Variants in LPAR6 observed in about 807,000 individuals in gnomAD.
LPAR6 encodes the protein G-protein coupled purinergic receptor P2Y5.
Under a neutral mutation model 22.0 loss-of-function variants are expected in LPAR6, and 17 were observed. The observed-to-expected ratio is 0.77, with a 90% CI of 0.53 to 1.16. LPAR6 has a LOEUF of 1.16. Ranked by LOEUF, LPAR6 falls within the 50% of genes most tolerant of loss-of-function variation. The pLI, the probability that LPAR6 is intolerant of heterozygous loss-of-function variation, is 0.00. For missense variants in LPAR6, 384 were observed against 406.9 expected, an observed-to-expected ratio of 0.94 and a Z score of 0.48; for synonymous variants, 136 against 139.8, an observed-to-expected ratio of 0.97 and a Z score of 0.19.
upstream of LPAR6, among the ~76,000 whole-genome samples, chr13:48,414,047 A>G (rs1009787818): frequency 1.3e-5 from 2 of 152,204 alleles, no homozygotes; most frequent in African/African-American, 2.4e-5. Flanking sequence ...GTTTATATTT[A>G]AAGTATACTC....
At chr13:48,435,266 G>T (rs1003585339) in intron 1 of LPAR6, among the ~76,000 whole-genome samples, 4 of 152,266 alleles carry the variant, frequency 2.6e-5, no homozygotes, top group Admixed American at 1.3e-4. Context: ...TTCTGATAGT[G>T]TAAGGATATC....
chr13:48,403,168 G>A (rs1301796194), intron 1 of LPAR6, among the ~76,000 whole-genome samples: 1 of 152,132 alleles, frequency 6.6e-6, no homozygotes, highest in Non-Finnish European at 1.5e-5. Flanking sequence ...TTTTTTAGCA[G>A]CAGTCAAAGG....
At chr13:48,404,442 GAA>G (rs11307004) in intron 1 of LPAR6, among the ~76,000 whole-genome samples, 4 of 151,008 alleles carry the variant, frequency 2.6e-5, no homozygotes, top group South Asian at 2.1e-4. Flanking sequence ...AAAAAGAACA[GAA>G]AAAAAAAATT....
intron 1 of LPAR6, among the ~76,000 whole-genome samples, chr13:48,433,221 T>G (rs1949147892): frequency 1.3e-5 from 2 of 152,132 alleles, no homozygotes; most frequent in African/African-American, 4.8e-5. Flanking sequence ...CGTTAATTTT[T>G]TTTTCAAAAA....
upstream of LPAR6, among the ~76,000 whole-genome samples, chr13:48,430,768 A>AC (rs200760336): frequency 7.4e-4 from 80 of 108,806 alleles, no homozygotes; most frequent in South Asian, 4.5e-3. Flanking sequence ...AAACAAACAA[A>AC]AAAAAAAAAC....
Position 48,412,531 on chromosome 13 carries a change from T to C in LPAR6, c.-108A>G. The stretch of plus-strand genomic sequence containing the variant: ...ACCTCCAATTTATTTGCAAATTATC[T>C]GGATCTTTGGATGGTTTTATAAATA... On this transcript the variant is annotated 5_prime_UTR_variant, in exon 1 of 1. Transcript: ENST00000620633. The C allele has an allele frequency of 1.3e-6, 1 of 770,372 alleles. No homozygotes were observed. 47.7% of individuals were successfully genotyped at this position (770,372 alleles called of 1,614,324 possible).
chr13:48,406,375 TA>T (rs1378430162), downstream of LPAR6, among the ~76,000 whole-genome samples: 4 of 152,162 alleles, frequency 2.6e-5, no homozygotes, highest in Non-Finnish European at 4.4e-5. Flanking sequence ...CACCATCATT[TA>T]AAAAAGAATT....
At chr13:48,432,962 G>A (rs967047207) in intron 1 of LPAR6, among the ~76,000 whole-genome samples, 1 of 152,002 alleles carries the variant, frequency 6.6e-6, no homozygotes, top group African/African-American at 2.4e-5. Flanking sequence ...TGAAATCAGA[G>A]AATAATATCT....
downstream of LPAR6, among the ~76,000 whole-genome samples, chr13:48,409,570 A>ATTTTTTTTTT (rs5803435): frequency 3.4e-5 from 2 of 59,694 alleles, no homozygotes; most frequent in East Asian, 5.9e-4. Context: ...GAACTGCTTG[A>ATTTTTTTTTT]TTTTTTTTTT....
At chr13:48,398,305 A>G (rs2138175373) in intron 1 of LPAR6, among the ~76,000 whole-genome samples, 1 of 152,258 alleles carries the variant, frequency 6.6e-6, no homozygotes, top group East Asian at 1.9e-4. Flanking sequence ...TTCCTAATAT[A>G]GCTTTGCCCT....
intron 1 of LPAR6, among the ~76,000 whole-genome samples, chr13:48,442,095 C>T (rs1032976085): frequency 1.1e-4 from 16 of 152,202 alleles, no homozygotes; most frequent in Non-Finnish European, 1.6e-4. Context: ...TGACTTTCAT[C>T]ATATTCAGAC....
At chr13:48,423,279 G>GTTTTT (rs1158670749) in intron 1 of LPAR6, among the ~76,000 whole-genome samples, 1 of 151,964 alleles carries the variant, frequency 6.6e-6, no homozygotes, top group Admixed American at 6.6e-5. Flanking sequence ...TTTTGTTTTT[G>GTTTTT]TTTTTGTGTT....
rs145842102 is a variant in LPAR6, at chr13:48,412,272, T to C, written c.152A>G (p.Glu51Gly). 1.8e-5 allele frequency: 29 copies of C among 1,613,998 alleles called. No homozygotes were observed. Among genetic ancestry groups the C allele is most frequent in the Non-Finnish European group, 2.4e-5 (28 of 1,179,996 alleles). The change falls in exon 1 of 1, where the codon GAA becomes GGA. Residue 51 changes from glutamate (E) to glycine (G), a missense_variant. Transcript: ENST00000620633. ...IFICVLKVRN[E>G]TTTYMINLAM... Reference sequence around the variant, plus strand: ...CAAGTTAATCATGTAAGTTGTAGTTTCATTTCGGACTTTGAGGACGCAGAT... The same window carrying C: ...CAAGTTAATCATGTAAGTTGTAGTTCCATTTCGGACTTTGAGGACGCAGAT...
intron 2 of LPAR6, among the ~76,000 whole-genome samples, chr13:48,419,410 A>C (rs945951390): frequency 3.9e-5 from 6 of 152,226 alleles, no homozygotes; most frequent in Non-Finnish European, 5.9e-5. Context: ...AGTTTATAGC[A>C]CTAAATGCCC....
chr13:48,410,096 A>G (rs999154838), downstream of LPAR6, among the ~76,000 whole-genome samples: 2 of 152,184 alleles, frequency 1.3e-5, no homozygotes, highest in Non-Finnish European at 2.9e-5. Flanking sequence ...CATCTTGCCT[A>G]CTTGAAATAA....
chr13:48,420,295 AT>A (rs1948985882), intron 2 of LPAR6, among the ~76,000 whole-genome samples: 1 of 152,254 alleles, frequency 6.6e-6, no homozygotes, highest in Non-Finnish European at 1.5e-5. Flanking sequence ...CCACATGATT[AT>A]GTCAATAGAT....
intron 2 of LPAR6, among the ~76,000 whole-genome samples, chr13:48,418,387 A>T (rs545711556): frequency 2.2e-4 from 34 of 152,326 alleles, no homozygotes; most frequent in African/African-American, 7.9e-4. Flanking sequence ...GGAAGCACTA[A>T]ATATGGAAAG....
chr13:48,443,476 G>A (rs1161533833), intron 1 of LPAR6, among the ~76,000 whole-genome samples: 1 of 151,980 alleles, frequency 6.6e-6, no homozygotes, highest in Non-Finnish European at 1.5e-5. Context: ...TACTAAAATA[G>A]CTAAGTTTTC....
intron 1 of LPAR6, among the ~76,000 whole-genome samples, chr13:48,405,025 C>T (rs1948727305): frequency 6.6e-6 from 1 of 151,976 alleles, no homozygotes; most frequent in African/African-American, 2.4e-5. Flanking sequence ...TATCTTTTGA[C>T]TGCCCTTTTG....
Sources: gnomAD v4.1 joint callset for allele counts (sites outside exome capture counted in the v4.1 genomes callset) on GRCh38, gnomAD v4.1.1 for gene constraint, MANE v1.5 for transcripts, NCBI Gene and HGNC (gene_info 2026-07-23, HGNC 2026-07-21) for gene names.